Variants in SUGCT observed in about 807,000 individuals in gnomAD.
The protein encoded by SUGCT is succinyl-CoA:glutarate-CoA transferase.
In SUGCT, 41 loss-of-function variants were observed where a neutral mutation model predicts 55.0. The observed-to-expected ratio is 0.74, with a 90% CI of 0.58 to 0.97. The LOEUF is 0.97. Ranked by LOEUF, SUGCT falls within the 50% of genes least tolerant of loss-of-function variation. The pLI is 0.00. For missense variants in SUGCT, 568 were observed against 547.8 expected (o/e 1.04, Z -0.37); for synonymous variants, 187 against 200.4 (o/e 0.93, Z 0.56).
chr7:40,281,595 C>T (rs1792954288), intron 8 of SUGCT, among the ~76,000 whole-genome samples: 1 of 152,158 alleles, frequency 6.6e-6, no homozygotes, highest in Non-Finnish European at 1.5e-5. Flanking sequence ...CTGAGACAAT[C>T]ATATAATTTT....
chr7:40,570,467 A>G lies in SUGCT; in HGVS notation c.1089+74081A>G, dbSNP rs150604112. 1.2e-3 allele frequency among the ~76,000 whole-genome samples: 183 copies of G among 152,326 alleles called. 2 individuals carry two copies. Among genetic ancestry groups the G allele is most frequent in the Non-Finnish European group, 2.1e-3 (143 of 68,032 alleles). The stretch of plus-strand genomic sequence containing the variant: ...TGCAGAACTGAAGAACAGCGTGGTT[A>G]GAGCTTAATGTGAGACAAGGAGAAT... On this transcript the variant is annotated intron_variant, in intron 12 of 13. Transcript: ENST00000335693.
At chr7:40,263,354 T>C (rs1292322771) in intron 7 of SUGCT, among the ~76,000 whole-genome samples, 1 of 152,224 alleles carries the variant, frequency 6.6e-6, no homozygotes, top group South Asian at 2.1e-4. Context: ...ATGTTACAGA[T>C]GTGAAAGAGA....
chr7:40,197,478 A>G (rs1213275033), intron 6 of SUGCT, among the ~76,000 whole-genome samples: 2 of 152,216 alleles, frequency 1.3e-5, no homozygotes, highest in Non-Finnish European at 2.9e-5. Context: ...GCTGGGATTC[A>G]GTTGATACAG....
intron 12 of SUGCT, among the ~76,000 whole-genome samples, chr7:40,700,779 G>T (rs545275005): frequency 1.3e-5 from 2 of 152,074 alleles, no homozygotes; most frequent in Non-Finnish European, 2.9e-5. Flanking sequence ...GCCAGTAGGC[G>T]GTGTGTGGTG....
In SUGCT at chr7:40,137,808, A is replaced by G. The variant is rs566282557; in HGVS notation, c.100+2688A>G. ...GCAATCCTTCCACCTCAGCCTCCCA[A>G]GTAGCTGAAACCAGAAGTGTGTGCC... On this transcript the variant is annotated intron_variant, in intron 1 of 13. Coordinates refer to ENST00000335693, the MANE Select transcript of SUGCT (RefSeq NM_001193313.2). Among the ~76,000 whole-genome samples, 747 of 152,032 alleles carry G rather than the reference A, an allele frequency of 4.9e-3. 4 individuals are homozygous for G. The highest frequency in any genetic ancestry group is 7.6e-3 in the Non-Finnish European group (519 of 67,962).
intron 10 of SUGCT, among the ~76,000 whole-genome samples, chr7:40,455,198 A>G (rs1789414212): frequency 6.6e-6 from 1 of 152,212 alleles, no homozygotes; most frequent in South Asian, 2.1e-4. Context: ...TTCCCTAAGC[A>G]GTCATTAAAC....
intron 12 of SUGCT, among the ~76,000 whole-genome samples, chr7:40,736,089 G>C (rs1787138216): frequency 6.6e-6 from 1 of 150,980 alleles, no homozygotes; most frequent in South Asian, 2.1e-4. Flanking sequence ...AACCCAGAGA[G>C]ACACACACAC....
the SUGCT span, among the ~76,000 whole-genome samples, chr7:40,928,167 C>T: frequency 6.6e-6 from 1 of 151,826 alleles, no homozygotes; most frequent in Admixed American, 6.6e-5. Context: ...TTAACTTCCT[C>T]AGTACTCAGA....
chr7:40,749,834 A>T (rs964972437), intron 13 of SUGCT, among the ~76,000 whole-genome samples: 1 of 152,186 alleles, frequency 6.6e-6, no homozygotes, highest in Non-Finnish European at 1.5e-5. Flanking sequence ...CAAGAAATAG[A>T]GTGTCGTTCA....
intron 13 of SUGCT, among the ~76,000 whole-genome samples, chr7:40,766,284 C>T (rs900334925): frequency 1.3e-5 from 2 of 152,132 alleles, no homozygotes; most frequent in South Asian, 2.1e-4. Flanking sequence ...GATCTCTGCT[C>T]GCTGGAACCT....
intron 9 of SUGCT, among the ~76,000 whole-genome samples, chr7:40,440,145 G>GTTTTTTTTTTTTTT (rs138984553): frequency 5.8e-5 from 4 of 68,456 alleles, no homozygotes; most frequent in African/African-American, 2.0e-4. Context: ...GTGTGTGTGT[G>GTTTTTTTTTTTTTT]TTTTTTTTTT....
the SUGCT span, among the ~76,000 whole-genome samples, chr7:40,886,338 G>A: frequency 2.2e-4 from 33 of 152,270 alleles, no homozygotes; most frequent in Non-Finnish European, 5.9e-5. Context: ...TGTGGCAGGG[G>A]CCACTAGCGG....
chr7:40,749,714 G>A (rs1196845732), intron 13 of SUGCT, among the ~76,000 whole-genome samples: 2 of 152,068 alleles, frequency 1.3e-5, no homozygotes, highest in East Asian at 1.9e-4. Context: ...GGATTGCCAC[G>A]ATGACAAAAA....
chr7:40,710,725 C>A (rs1785665430), intron 12 of SUGCT, among the ~76,000 whole-genome samples: 2 of 152,120 alleles, frequency 1.3e-5, no homozygotes, highest in Admixed American at 1.3e-4. Context: ...GAGAGCCCAG[C>A]AAATAATTAT....
Position 40,625,900 on chromosome 7 carries a change from T to G in SUGCT, c.1090-123534T>G, listed in dbSNP as rs1350708739. ...TTTATTAGGAGTGATTTTAAAAAAT[T>G]AAGCAATTGCTCAGCATCAAGCATG... On this transcript the variant is annotated intron_variant, in intron 12 of 13. Transcript: ENST00000335693. 2.6e-5 allele frequency among the ~76,000 whole-genome samples: 4 copies of G among 152,182 alleles called. No homozygotes were observed. In the East Asian group the frequency reaches 7.7e-4, roughly 29 times the overall value.
chr7:40,812,596 A>G (rs1036888464), intron 13 of SUGCT, among the ~76,000 whole-genome samples: 1 of 151,886 alleles, frequency 6.6e-6, no homozygotes, highest in South Asian at 2.1e-4. Context: ...CTGATTGTAC[A>G]TATTTGGATC....
At chr7:40,735,454 G>T (rs1361819619) in intron 12 of SUGCT, among the ~76,000 whole-genome samples, 1 of 152,106 alleles carries the variant, frequency 6.6e-6, no homozygotes, top group Non-Finnish European at 1.5e-5. Context: ...CAATATGGGG[G>T]ACTATATGAC....
chr7:40,929,092 C>A, the SUGCT span, among the ~76,000 whole-genome samples: 23 of 151,810 alleles, frequency 1.5e-4, no homozygotes, highest in Admixed American at 1.4e-3. Context: ...CAGCCCGCCA[C>A]CCCCTGACAG....
chr7:40,564,764 G>A (rs902659162), intron 12 of SUGCT, among the ~76,000 whole-genome samples: 1 of 152,188 alleles, frequency 6.6e-6, no homozygotes, highest in Non-Finnish European at 1.5e-5. Flanking sequence ...TGTGCCCACT[G>A]ATAGAAGGAA....
Sources: gnomAD v4.1 joint callset for allele counts (sites outside exome capture counted in the v4.1 genomes callset) on GRCh38, gnomAD v4.1.1 for gene constraint, MANE v1.5 for transcripts, NCBI Gene and HGNC (gene_info 2026-07-23, HGNC 2026-07-21) for gene names.